Variants in TTLL5 observed in about 807,000 individuals in gnomAD.
TTLL5 encodes the protein tubulin polyglutamylase TTLL5.
Under a neutral mutation model 168.4 loss-of-function variants are expected in TTLL5, and 132 were observed. The ratio of observed to expected loss-of-function variants is 0.78; its 90% confidence interval spans 0.68 to 0.91. TTLL5 has a LOEUF of 0.91. TTLL5 is among the 40% of genes least tolerant of loss of function. The pLI is 0.00. For synonymous variants in TTLL5, 546 were observed against 558.6 expected (o/e 0.98, Z 0.32); for missense variants, 1,545 against 1,581.5 (o/e 0.98, Z 0.39).
intron 28 of TTLL5, among the ~76,000 whole-genome samples, chr14:75,840,602 G>A (rs1474005038): frequency 7.2e-5 from 11 of 152,196 alleles, no homozygotes; most frequent in Non-Finnish European, 1.3e-4. Flanking sequence ...ATACTAGGAG[G>A]TATGGGGATC....
At chr14:75,885,014 C>CA (rs200285964) in intron 30 of TTLL5, among the ~76,000 whole-genome samples, 2,273 of 147,366 alleles carry the variant, frequency 0.015, 49 homozygotes, top group African/African-American at 0.052. Context: ...ACTAAAAATA[C>CA]AAAAAAAAAT....
At chr14:75,876,890 T>C (rs977939161) in intron 29 of TTLL5, among the ~76,000 whole-genome samples, 3 of 152,214 alleles carry the variant, frequency 2.0e-5, no homozygotes, top group Admixed American at 6.5e-5. Context: ...TGTTCTTTGC[T>C]CTGAACAGTC....
rs747206804 is a variant in TTLL5 at position 75,944,726 on chromosome 14, A to C, written c.3824-9698A>C. 2.2e-4 allele frequency among the ~76,000 whole-genome samples: 34 copies of C among 152,286 alleles called. No homozygotes were observed. The Middle Eastern group carries it at 0.01, about 46-fold the overall frequency. On this transcript the variant is annotated intron_variant, in intron 31 of 31. Transcript: ENST00000298832. ...AGGCAGTTGTTGAAACTGTCTCTCT[A>C]AAATAATAATCAGTTGCAGCCAGCA...
At chr14:75,666,430 G>A (rs1883266266) in intron 2 of TTLL5, among the ~76,000 whole-genome samples, 1 of 152,262 alleles carries the variant, frequency 6.6e-6, no homozygotes, top group African/African-American at 2.4e-5. Flanking sequence ...AACTCTGTAT[G>A]TAGATATAGA....
At chr14:75,739,879 G>A (rs1001419351) in intron 15 of TTLL5, among the ~76,000 whole-genome samples, 3 of 152,078 alleles carry the variant, frequency 2.0e-5, no homozygotes, top group African/African-American at 7.2e-5. Context: ...TTTTCCCATT[G>A]TCAAGATCTC....
chr14:75,680,411 G>T (rs777466939), intron 3 of TTLL5, among the ~76,000 whole-genome samples: 1 of 152,080 alleles, frequency 6.6e-6, no homozygotes, highest in Non-Finnish European at 1.5e-5. Flanking sequence ...TTTAAGAGAC[G>T]TCTAGAAATC....
chr14:75,741,649 C>T (rs193261060), intron 15 of TTLL5, among the ~76,000 whole-genome samples: 10 of 151,164 alleles, frequency 6.6e-5, no homozygotes, highest in African/African-American at 2.4e-4. Flanking sequence ...CTCTCTTTCT[C>T]TACCTTTTCT....
At chr14:75,868,426 C>T (rs1010380999) in intron 29 of TTLL5, among the ~76,000 whole-genome samples, 2 of 152,160 alleles carry the variant, frequency 1.3e-5, no homozygotes, top group African/African-American at 2.4e-5. Flanking sequence ...GAAAACTGTG[C>T]GTCCTAAATT....
intron 7 of TTLL5, among the ~76,000 whole-genome samples, chr14:75,699,810 T>C (rs1886131591): frequency 6.6e-6 from 1 of 152,156 alleles, no homozygotes; most frequent in Non-Finnish European, 1.5e-5. Flanking sequence ...CTTTGCAAAA[T>C]TCTCATTAAA....
chr14:75,934,649 A>T (rs2034380515), intron 31 of TTLL5, among the ~76,000 whole-genome samples: 1 of 152,214 alleles, frequency 6.6e-6, no homozygotes, highest in Non-Finnish European at 1.5e-5. Context: ...GGAAGGAGGG[A>T]TAAAGTTTAT....
intron 27 of TTLL5, among the ~76,000 whole-genome samples, chr14:75,816,399 A>C (rs1016326706): frequency 4.6e-5 from 7 of 152,172 alleles, no homozygotes; most frequent in African/African-American, 1.7e-4. Flanking sequence ...CAACAGAGTG[A>C]GACTCTGTCT....
chr14:75,766,050 C>A lies in TTLL5; in HGVS notation c.1709-12C>A. The A allele has an allele frequency of 6.3e-7, 1 of 1,598,168 alleles. No individual in the cohort carries two copies. The highest frequency in any genetic ancestry group is 1.1e-5 in the South Asian group (1 of 88,598). ...CCTTTTTTCAGCAACATTAGTGATT[C>A]TTCGTATTTAGTGATTACCCAACCA... On this transcript the variant is annotated splice_polypyrimidine_tract_variant and intron_variant, in intron 19 of 31. Transcript: ENST00000298832.
chr14:75,707,427 A>T (rs1283789770), intron 8 of TTLL5, among the ~76,000 whole-genome samples, 196 bp from the exon 9 acceptor site: 1 of 152,102 alleles, frequency 6.6e-6, no homozygotes, highest in East Asian at 1.9e-4. Flanking sequence ...TGTACTATAT[A>T]CATAATATGT....
At chr14:75,900,391 G>A (rs1400618931) in intron 30 of TTLL5, among the ~76,000 whole-genome samples, 1 of 152,170 alleles carries the variant, frequency 6.6e-6, no homozygotes, top group African/African-American at 2.4e-5. Context: ...CAAGCGGCAT[G>A]TCTCTTTCAG....
At chr14:75,861,533 C>T (rs759244657) in intron 28 of TTLL5, among the ~76,000 whole-genome samples, 8 of 152,190 alleles carry the variant, frequency 5.3e-5, no homozygotes, top group South Asian at 2.1e-4. Flanking sequence ...AGGGTTCCTA[C>T]ACCTCTGTCA....
chr14:75,733,927 G>C (rs1214269852), intron 13 of TTLL5, 62 bp from the exon 14 acceptor site: 1 of 1,514,674 alleles, frequency 6.6e-7, no homozygotes, highest in Non-Finnish European at 9.2e-7. Context: ...ACCCATCAGA[G>C]GGCGGCTATT....
chr14:75,915,427 T>C (rs964312078), intron 31 of TTLL5, among the ~76,000 whole-genome samples: 1 of 152,250 alleles, frequency 6.6e-6, no homozygotes, highest in Non-Finnish European at 1.5e-5. Flanking sequence ...CATGCAGCAT[T>C]ACCACTGCTG....
intron 27 of TTLL5, among the ~76,000 whole-genome samples, chr14:75,810,071 G>A (rs1421050013): frequency 6.6e-6 from 1 of 152,064 alleles, no homozygotes; most frequent in East Asian, 1.9e-4. Flanking sequence ...CATATTGACT[G>A]TGCTACTTGA....
Position 75,720,641 on chromosome 14 carries a change from C to T in TTLL5, c.980C>T (p.Ser327Phe). ...VEDLIIKTIISAELAIATACK... is the reference protein window; with the variant it reads ...VEDLIIKTIIFAELAIATACK... Reference sequence around the variant, plus strand: ...GACCTGATCATTAAGACTATAATCTCTGCTGAACTAGCTATTGCTACTGCC... The same window carrying T: ...GACCTGATCATTAAGACTATAATCTTTGCTGAACTAGCTATTGCTACTGCC... The change falls in exon 12 of 32, where the codon TCT becomes TTT. Residue 327 changes from serine (S) to phenylalanine (F), a missense_variant. By Grantham distance (155) the Ser-to-Phe change is radical (BLOSUM62 -2). Coordinates refer to ENST00000298832, the MANE Select transcript of TTLL5 (RefSeq NM_015072.5). 2 of 1,613,708 alleles carry T rather than the reference C, an allele frequency of 1.2e-6. No individual in the cohort carries two copies. The highest frequency in any genetic ancestry group is 1.7e-6 in the Non-Finnish European group (2 of 1,179,700).
Sources: gnomAD v4.1 joint callset for allele counts (sites outside exome capture counted in the v4.1 genomes callset) on GRCh38, gnomAD v4.1.1 for gene constraint, MANE v1.5 for transcripts, NCBI Gene and HGNC (gene_info 2026-07-23, HGNC 2026-07-21) for gene names.